Variants in OPRM1 observed in about 807,000 individuals in gnomAD.
The protein encoded by OPRM1 is mu-type opioid receptor.
OPRM1 carries 27 observed loss-of-function variants against 31.8 expected under a neutral mutation model. The observed-to-expected ratio is 0.85, with a 90% CI of 0.63 to 1.17. The LOEUF (loss-of-function observed/expected upper bound fraction) is 1.17. Among genes scored for constraint, OPRM1 ranks in the 50% most tolerant of loss-of-function variants. OPRM1 has a pLI of 0.00. For missense variants in OPRM1, 536 were observed against 511.1 expected (o/e 1.05, Z -0.47); for synonymous variants, 196 against 189.9 (o/e 1.03, Z -0.26).
chr6:154,127,284 A>T lies in OPRM1; in HGVS notation c.*8563A>T, dbSNP rs1797645693. 6.6e-6 allele frequency among the ~76,000 whole-genome samples: 1 copy of T among 152,160 alleles called. No individual in the cohort carries two copies. Among genetic ancestry groups the T allele is most frequent in the Non-Finnish European group, 1.5e-5 (1 of 68,024 alleles). On this transcript the variant is annotated 3_prime_UTR_variant, in exon 4 of 4. Coordinates refer to ENST00000330432, the MANE Select transcript of OPRM1 (RefSeq NM_000914.5). ...AATCAGTGGCCATTATCATCTAAGG[A>T]TTCCGCCAGAGACTTCCAAAAGAAG...
chr6:154,112,568 G>A (rs186522292), intron 3 of OPRM1, among the ~76,000 whole-genome samples: 53 of 152,268 alleles, frequency 3.5e-4, no homozygotes, highest in Non-Finnish European at 6.3e-4. Context: ...TCAAAATGCC[G>A]TGGTCCTCAT....
At chr6:154,228,140 CCTT>C (rs1464366711) in intron 3 of OPRM1, among the ~76,000 whole-genome samples, 4 of 151,858 alleles carry the variant, frequency 2.6e-5, no homozygotes, top group African/African-American at 9.7e-5. Context: ...TGAATGGGAT[CCTT>C]CTTCTTCAAT....
chr6:154,032,714 G>A (rs960663038), intron 1 of OPRM1, among the ~76,000 whole-genome samples: 3 of 152,188 alleles, frequency 2.0e-5, no homozygotes, highest in East Asian at 3.9e-4. Flanking sequence ...ATTCAGGCAT[G>A]AGCCACCTCA....
chr6:154,219,200 C>T (rs1778649204), intron 3 of OPRM1: 1 of 152,184 alleles, frequency 6.6e-6, no homozygotes, highest in Non-Finnish European at 1.5e-5. Flanking sequence ...GGAAGGGTCT[C>T]ACACTTTCAT....
intron 3 of OPRM1, among the ~76,000 whole-genome samples, chr6:154,149,635 T>G (rs867732082): frequency 2.5e-4 from 37 of 148,236 alleles, no homozygotes; most frequent in Admixed American, 1.1e-3. Context: ...CGTGTGTGTG[T>G]AGAGAGAGAG....
intron 3 of OPRM1, among the ~76,000 whole-genome samples, chr6:154,172,406 C>G (rs1045816962): frequency 6.6e-6 from 1 of 152,182 alleles, no homozygotes; most frequent in Non-Finnish European, 1.5e-5. Flanking sequence ...CATGAGTAAC[C>G]GTACCTGGAG....
chr6:154,119,300 A>G lies in OPRM1; in HGVS notation c.*579A>G, dbSNP rs1797178409. The stretch of plus-strand genomic sequence containing the variant: ...TGTTTAAAAAAATAACATCTCTTTC[A>G]TCTAGCTCCATAATTGCAAGGGAAG... On this transcript the variant is annotated 3_prime_UTR_variant, in exon 4 of 4. Transcript: ENST00000330432. 9.1e-6 allele frequency: 9 copies of G among 985,438 alleles called. No individual in the cohort carries two copies. Among genetic ancestry groups the G allele is most frequent in the Non-Finnish European group, 9.6e-6 (8 of 829,900 alleles). 61.0% of individuals were successfully genotyped at this position (985,438 alleles called of 1,614,324 possible).
chr6:154,022,898 C>A (rs1166171168), intron 1 of OPRM1, among the ~76,000 whole-genome samples: 1 of 151,240 alleles, frequency 6.6e-6, no homozygotes, highest in African/African-American at 2.4e-5. Context: ...CTATTCTGTT[C>A]CACTGGTCTA....
chr6:154,055,897 T>C (rs568704938), intron 1 of OPRM1, among the ~76,000 whole-genome samples: 2 of 152,340 alleles, frequency 1.3e-5, no homozygotes, highest in Admixed American at 6.5e-5. Flanking sequence ...TAAGTCTAAA[T>C]GCTAACTGCA....
At chr6:154,227,784 T>C (rs553008439) in intron 3 of OPRM1, among the ~76,000 whole-genome samples, 2 of 152,276 alleles carry the variant, frequency 1.3e-5, no homozygotes, top group South Asian at 4.1e-4. Flanking sequence ...TTCATTTGGG[T>C]GGATTCCTTT....
exon 1 of OPRM1, chr6:154,010,852 T>C: frequency 7.4e-7 from 1 of 1,351,164 alleles, no homozygotes; most frequent in Non-Finnish European, 9.6e-7. Flanking sequence ...TGCAGCCCCT[T>C]GTTCTTGTGG....
chr6:154,100,690 T>G (rs1171704428), intron 3 of OPRM1, among the ~76,000 whole-genome samples: 1 of 151,758 alleles, frequency 6.6e-6, no homozygotes, highest in Non-Finnish European at 1.5e-5. Flanking sequence ...AAAGAGCTAA[T>G]GTATAGAGCA....
intron 1 of OPRM1, among the ~76,000 whole-genome samples, chr6:154,066,592 A>T (rs1253959793): frequency 6.6e-6 from 1 of 151,900 alleles, no homozygotes; most frequent in Non-Finnish European, 1.5e-5. Flanking sequence ...CCTTTAGGAG[A>T]TAATTAAAGT....
chr6:154,170,414 T>G (rs1799780060), intron 3 of OPRM1, among the ~76,000 whole-genome samples: 1 of 152,030 alleles, frequency 6.6e-6, no homozygotes, highest in Non-Finnish European at 1.5e-5. Context: ...TGCCTTAGAG[T>G]TTACTCCTCT....
At chr6:154,212,936 T>G (rs770790319) in intron 3 of OPRM1, 2 of 946,710 alleles carry the variant, frequency 2.1e-6, no homozygotes, top group Non-Finnish European at 1.7e-6. Flanking sequence ...TTTATCTCCA[T>G]CTGGCTATTG....
intron 3 of OPRM1, among the ~76,000 whole-genome samples, chr6:154,173,964 A>G (rs2128559563): frequency 6.6e-6 from 1 of 152,354 alleles, no homozygotes; most frequent in Non-Finnish European, 1.5e-5. Flanking sequence ...TCAGACTAAC[A>G]GTGGATCTCT....
chr6:154,239,460 C>T (rs1360318591), intron 3 of OPRM1, among the ~76,000 whole-genome samples: 1 of 152,138 alleles, frequency 6.6e-6, no homozygotes, highest in African/African-American at 2.4e-5. Flanking sequence ...TCAAGAAAGT[C>T]CTCAATCATT....
At chr6:154,069,163 A>G (rs1460574936) in intron 1 of OPRM1, among the ~76,000 whole-genome samples, 2 of 151,916 alleles carry the variant, frequency 1.3e-5, no homozygotes, top group African/African-American at 4.8e-5. Context: ...TTGTCTTTTC[A>G]CTCTGGTAAT....
At chr6:154,233,839 C>T (rs1316577632) in intron 3 of OPRM1, among the ~76,000 whole-genome samples, 1 of 152,180 alleles carries the variant, frequency 6.6e-6, no homozygotes, top group Non-Finnish European at 1.5e-5. Flanking sequence ...ACTCTTTCAC[C>T]TGTGCAGAGG....
Sources: gnomAD v4.1 joint callset for allele counts (sites outside exome capture counted in the v4.1 genomes callset) on GRCh38, gnomAD v4.1.1 for gene constraint, MANE v1.5 for transcripts, NCBI Gene and HGNC (gene_info 2026-07-23, HGNC 2026-07-21) for gene names.